LGSN: variants seen among roughly 807,000 people sequenced by gnomAD.
LGSN encodes the protein lengsin.
LGSN carries 21 observed loss-of-function variants against 19.5 expected under a neutral mutation model. The observed-to-expected ratio is 1.07, with a 90% confidence interval of 0.76 to 1.55. The LOEUF is 1.55. Among genes scored for constraint, LGSN ranks in the 40% most tolerant of loss-of-function variants. The pLI is 0.00. For synonymous variants in LGSN, 257 were observed against 215.6 expected (o/e 1.19, Z -1.68); for missense variants, 673 against 608.5 (o/e 1.11, Z -1.12).
chr6:63,514,647 C>T, the LGSN span, among the ~76,000 whole-genome samples: 1 of 152,308 alleles, frequency 6.6e-6, no homozygotes, highest in African/African-American at 2.4e-5. Context: ...TTGTCATTAA[C>T]CACTCTATGT....
At chr6:63,524,072 C>T in the LGSN span, among the ~76,000 whole-genome samples, 1 of 151,986 alleles carries the variant, frequency 6.6e-6, no homozygotes, top group Non-Finnish European at 1.5e-5. Flanking sequence ...ACCTTTGCCT[C>T]CCAGGTTCAA....
chr6:63,292,188 C>A (rs1767799824), intron 2 of LGSN, among the ~76,000 whole-genome samples: 2 of 152,170 alleles, frequency 1.3e-5, no homozygotes, highest in Admixed American at 1.3e-4. Flanking sequence ...GATAAGAAAC[C>A]AGATGGCAAT....
At chr6:63,475,434 T>C in the LGSN span, among the ~76,000 whole-genome samples, 1 of 152,134 alleles carries the variant, frequency 6.6e-6, no homozygotes, top group Non-Finnish European at 1.5e-5. Flanking sequence ...GGTTAATAGT[T>C]ATTACAAATC....
chr6:63,308,998 T>C (rs1453415452), intron 1 of LGSN, among the ~76,000 whole-genome samples: 1 of 152,202 alleles, frequency 6.6e-6, no homozygotes, highest in Non-Finnish European at 1.5e-5. Flanking sequence ...AGCAACTTGG[T>C]TTAAGAAAAT....
At chr6:63,359,782 C>G in the LGSN span, among the ~76,000 whole-genome samples, 3 of 152,060 alleles carry the variant, frequency 2.0e-5, no homozygotes, top group African/African-American at 7.3e-5. Flanking sequence ...TTCAAAAACC[C>G]AGTTCCTGGA....
the LGSN span, among the ~76,000 whole-genome samples, chr6:63,373,580 G>A: frequency 5.7e-3 from 867 of 152,210 alleles, 5 homozygotes; most frequent in African/African-American, 0.019. Flanking sequence ...AAAAGAGAAG[G>A]AAAGATTGAA....
the LGSN span, among the ~76,000 whole-genome samples, chr6:63,528,887 A>C: frequency 7.2e-5 from 11 of 152,060 alleles, no homozygotes; most frequent in Admixed American, 5.2e-4. Context: ...TCAGGAGTTC[A>C]AGACCAGCCT....
At chr6:63,571,766 A>G in the LGSN span, 1 of 152,234 alleles carries the variant, frequency 6.6e-6, no homozygotes, top group Admixed American at 6.5e-5. Context: ...GATCAAAAAA[A>G]GAATATAGGG....
chr6:63,286,333 C>T lies in LGSN; in HGVS notation c.164-580G>A, dbSNP rs1025487261. 3.9e-5 allele frequency among the ~76,000 whole-genome samples: 6 copies of T among 151,932 alleles called. No homozygotes were observed. The South Asian group carries it at 6.2e-4, about 16-fold the overall frequency. Reference sequence around the variant, plus strand: ...TTTAAAACTTGCTTAAATAAGCAAACAAAAGTGTGGGTTTTTTTTAAGAAT... The same window carrying T: ...TTTAAAACTTGCTTAAATAAGCAAATAAAAGTGTGGGTTTTTTTTAAGAAT... On this transcript the variant is annotated intron_variant, in intron 2 of 3. Coordinates refer to ENST00000370657, the MANE Select transcript of LGSN (RefSeq NM_016571.3).
At chr6:63,450,679 G>GT in the LGSN span, among the ~76,000 whole-genome samples, 224 of 144,812 alleles carry the variant, frequency 1.5e-3, no homozygotes, top group Admixed American at 5.5e-3. Flanking sequence ...GATTATAATG[G>GT]TTTTTTTTTT....
chr6:63,293,794 G>A (rs1767864947), intron 2 of LGSN: 2 of 456,486 alleles, frequency 4.4e-6, no homozygotes, highest in South Asian at 3.1e-5. Context: ...GCAGAGCCAG[G>A]TCCCATGATA....
the LGSN span, among the ~76,000 whole-genome samples, chr6:63,488,701 C>T: frequency 1.3e-5 from 2 of 152,042 alleles, no homozygotes; most frequent in East Asian, 1.9e-4. Context: ...GCCTGTAATC[C>T]CAGCTACTTG....
chr6:63,321,695 T>C (rs962765972), upstream of LGSN, among the ~76,000 whole-genome samples: 3 of 152,198 alleles, frequency 2.0e-5, no homozygotes, highest in Non-Finnish European at 4.4e-5. Flanking sequence ...AGTATTACCA[T>C]TATTTAGAAT....
At chr6:63,410,280 T>C in the LGSN span, among the ~76,000 whole-genome samples, 9 of 152,160 alleles carry the variant, frequency 5.9e-5, no homozygotes, top group African/African-American at 1.2e-4. Context: ...TGGTCCATTC[T>C]AAACTCAGTA....
chr6:63,342,961 T>A, the LGSN span, among the ~76,000 whole-genome samples: 24 of 152,344 alleles, frequency 1.6e-4, no homozygotes, highest in African/African-American at 5.0e-4. Context: ...TGCTTTTGAG[T>A]TGAAAGTTTT....
At chr6:63,362,508 C>T in the LGSN span, among the ~76,000 whole-genome samples, 2 of 152,202 alleles carry the variant, frequency 1.3e-5, no homozygotes, top group Non-Finnish European at 2.9e-5. Flanking sequence ...AATAACTGTG[C>T]TTTTCCAATG....
the LGSN span, among the ~76,000 whole-genome samples, chr6:63,416,629 T>C: frequency 6.6e-6 from 1 of 152,004 alleles, no homozygotes; most frequent in Non-Finnish European, 1.5e-5. Flanking sequence ...CTGGCTGGAG[T>C]GCAATGACGC....
At chr6:63,508,868 G>A in the LGSN span, among the ~76,000 whole-genome samples, 3 of 148,378 alleles carry the variant, frequency 2.0e-5, no homozygotes, top group Admixed American at 6.8e-5. Flanking sequence ...GCAGTGAGCC[G>A]AGATTGGGCC....
chr6:63,476,812 T>G, the LGSN span, among the ~76,000 whole-genome samples: 1 of 152,220 alleles, frequency 6.6e-6, no homozygotes, highest in African/African-American at 2.4e-5. Context: ...CTAGCCTAGA[T>G]TCAATGAAGA....
Sources: allele counts gnomAD v4.1 joint callset (sites outside exome capture counted in the v4.1 genomes callset), GRCh38; gene constraint gnomAD v4.1.1; transcripts MANE v1.5; gene names NCBI Gene and HGNC (gene_info 2026-07-23, HGNC 2026-07-21).